The following STRBP variants were observed in gnomAD, a reference collection of about 807,000 sequenced individuals.
STRBP encodes the protein spermatid perinuclear RNA-binding protein.
A neutral mutation model predicts 80.1 loss-of-function variants in STRBP; 13 were observed. That is an observed-to-expected ratio of 0.16 (90% CI 0.11 to 0.26). STRBP has a LOEUF of 0.26. Ranked by LOEUF, STRBP falls within the 10% of genes least tolerant of loss-of-function variation. The pLI, the probability that STRBP is intolerant of heterozygous loss-of-function variation, is 1.00. For missense variants in STRBP, 485 were observed against 815.2 expected (o/e 0.59, Z 4.93); for synonymous variants, 284 against 291.2 (o/e 0.98, Z 0.25).
At chr9:123,113,987 G>A (rs1448121685) in intron 3 of STRBP, 1 of 167,132 alleles carries the variant, frequency 6.0e-6, no homozygotes, top group Non-Finnish European at 1.5e-5. Flanking sequence ...GAAAGGATTT[G>A]TGGACACAGG....
At position 123,162,590 on chromosome 9, in the gene STRBP, A is replaced by G. The variant is rs538711991; in HGVS notation, c.536-1522T>C. Among the ~76,000 whole-genome samples the G allele has an allele frequency of 7.9e-5, 12 of 152,326 alleles. No individual in the cohort carries two copies. The South Asian group carries it at 2.5e-3, about 32-fold the overall frequency. ...AATAGGAAACAAATCTATTAAAGGA[A>G]GAACTGTGGTTCTCTTTACTGGCCA... On this transcript the variant is annotated intron_variant, in intron 6 of 18. Coordinates refer to ENST00000348403, the MANE Select transcript of STRBP (RefSeq NM_018387.5).
intron 2 of STRBP, among the ~76,000 whole-genome samples, chr9:123,188,617 G>T (rs879365543): frequency 1.3e-5 from 2 of 152,140 alleles, no homozygotes; most frequent in Non-Finnish European, 2.9e-5. Flanking sequence ...ACTCCAGCCT[G>T]AGTGACAGAG....
rs867774889 is a variant in STRBP, at chr9:123,183,615, T to C, written c.3+517A>G. Reference sequence around the variant, plus strand: ...ACAAATTCAATTTAAGTCTGAACTCTTCCCAAAAAGCAAGGTTTCTTTGAT... The same window carrying C: ...ACAAATTCAATTTAAGTCTGAACTCCTCCCAAAAAGCAAGGTTTCTTTGAT... On this transcript the variant is annotated intron_variant, in intron 3 of 18. Transcript: ENST00000348403. Among the ~76,000 whole-genome samples, 22 of 152,210 alleles carry C rather than the reference T, an allele frequency of 1.4e-4. 1 individual carries two copies. The Middle Eastern group carries it at 0.01, about 71-fold the overall frequency.
At position 123,115,644 on chromosome 9, in the gene STRBP, C is replaced by T. The variant is rs1038725214; in HGVS notation, c.*84+285G>A. The T allele has an allele frequency of 3.9e-5, 13 of 335,712 alleles. No homozygotes were observed. Among genetic ancestry groups the T allele is most frequent in the African/African-American group, 2.2e-4 (10 of 46,474 alleles). The allele number at this position is 335,712 out of a possible 1,614,324, so 20.8% of individuals were successfully genotyped here. On this transcript the variant is annotated intron_variant and NMD_transcript_variant, in intron 3 of 3. Coordinates refer to the STRBP transcript ENST00000471564. The surrounding 1 kb of genome is among the most constrained non-coding windows in gnomAD (Gnocchi z 5.0). ...TGAATGGTTTTTCTCAATAAATCTA[C>T]GTGCCCAAGAAGGGAGACATGGTCT... is the stretch of plus-strand genomic sequence containing the variant.
At chr9:123,127,709 T>A (rs992673758) in intron 18 of STRBP, among the ~76,000 whole-genome samples, 3 of 152,220 alleles carry the variant, frequency 2.0e-5, no homozygotes, top group Admixed American at 6.5e-5. Flanking sequence ...CCACTATCAC[T>A]TCCTCTCTAG....
At chr9:123,199,563 T>A (rs1462266235) in intron 2 of STRBP, among the ~76,000 whole-genome samples, 1 of 152,234 alleles carries the variant, frequency 6.6e-6, no homozygotes, top group Non-Finnish European at 1.5e-5. Flanking sequence ...CTTTCAGCAG[T>A]GCTTTGTAGT....
chr9:123,256,957 G>A (rs1241109297), intron 1 of STRBP, among the ~76,000 whole-genome samples: 9 of 149,904 alleles, frequency 6.0e-5, no homozygotes, highest in Non-Finnish European at 1.5e-5. Context: ...AACATTATTC[G>A]AGAACCAGTC....
chr9:123,127,663 C>G (rs908965447), intron 18 of STRBP, among the ~76,000 whole-genome samples: 1 of 152,166 alleles, frequency 6.6e-6, no homozygotes, highest in Admixed American at 6.5e-5. Flanking sequence ...TACAGACTTC[C>G]TGCAGCGAGC....
chr9:123,200,286 A>G (rs897808889), intron 2 of STRBP, among the ~76,000 whole-genome samples: 1 of 152,202 alleles, frequency 6.6e-6, no homozygotes, highest in Admixed American at 6.5e-5. Flanking sequence ...ATGATCAATT[A>G]TCTTTTTGAT....
intron 1 of STRBP, among the ~76,000 whole-genome samples, chr9:123,263,036 C>T (rs1310632650): frequency 6.6e-6 from 1 of 152,180 alleles, no homozygotes; most frequent in Non-Finnish European, 1.5e-5. Flanking sequence ...TCACTAGCCT[C>T]TTAGAATTAC....
chr9:123,249,958 C>G (rs1272291615), intron 1 of STRBP, among the ~76,000 whole-genome samples: 1 of 152,132 alleles, frequency 6.6e-6, no homozygotes, highest in Non-Finnish European at 1.5e-5. Flanking sequence ...TTCAATGAAT[C>G]AATATTTTCC....
chr9:123,133,634 G>A (rs1186340618), intron 16 of STRBP, among the ~76,000 whole-genome samples: 1 of 151,952 alleles, frequency 6.6e-6, no homozygotes, highest in Non-Finnish European at 1.5e-5. Flanking sequence ...CACCTTCCCA[G>A]GTTCAAGTGA....
rs1379471598 is a variant in STRBP at position 123,259,075 on chromosome 9, A to AG, written c.-302+9360dup. Among the ~76,000 whole-genome samples the AG allele has an allele frequency of 3.1e-3, 446 of 141,886 alleles. 2 individuals carry two copies. The highest frequency in any genetic ancestry group is 4.6e-3 in the African/African-American group (182 of 39,370). The allele number at this position is 141,886 out of a possible 152,430, so 93.1% of individuals were successfully genotyped here. Reference sequence around the variant, plus strand: ...AGGAGGAAAGGGCAAAAAAAAAAAAAGGGGGGGGGATTACTGCAATAATTT... The same window carrying AG: ...AGGAGGAAAGGGCAAAAAAAAAAAAAGGGGGGGGGGATTACTGCAATAATTT... On this transcript the variant is annotated intron_variant, in intron 1 of 18. Coordinates refer to ENST00000348403, the MANE Select transcript of STRBP (RefSeq NM_018387.5).
intron 11 of STRBP, among the ~76,000 whole-genome samples, chr9:123,148,719 T>TA (rs1477934322): frequency 1.3e-5 from 2 of 152,206 alleles, no homozygotes; most frequent in Non-Finnish European, 2.9e-5. Flanking sequence ...ACCTCCTCTA[T>TA]AAAAATGTTC....
chr9:123,189,719 G>A (rs748401856), intron 2 of STRBP, among the ~76,000 whole-genome samples: 8 of 151,104 alleles, frequency 5.3e-5, no homozygotes, highest in South Asian at 4.2e-4. Context: ...GCTGGGGGAG[G>A]GATAGCATTA....
intron 6 of STRBP, among the ~76,000 whole-genome samples, chr9:123,167,953 A>G (rs1043362456): frequency 2.0e-5 from 3 of 152,186 alleles, no homozygotes; most frequent in Admixed American, 6.5e-5. Flanking sequence ...AAAATCTCAT[A>G]TAAGTACACA....
At chr9:123,222,671 T>TC (rs1287162637) in intron 2 of STRBP, among the ~76,000 whole-genome samples, 2 of 152,198 alleles carry the variant, frequency 1.3e-5, no homozygotes, top group Admixed American at 6.5e-5. Context: ...GGCATACTCT[T>TC]CCGAAGGTCA....
chr9:123,119,889 A>G (rs1357874552), downstream of STRBP, among the ~76,000 whole-genome samples: 4 of 152,350 alleles, frequency 2.6e-5, 1 homozygote, highest in Admixed American at 2.6e-4. Context: ...GCTGTGCTGT[A>G]AAGCTTACAT....
intron 2 of STRBP, among the ~76,000 whole-genome samples, chr9:123,221,259 C>T (rs1303046878): frequency 6.6e-6 from 1 of 152,084 alleles, no homozygotes; most frequent in Non-Finnish European, 1.5e-5. Flanking sequence ...TCTCTCTGTC[C>T]CTTTGCCATT....
Sources: gnomAD v4.1 joint callset for allele counts (sites outside exome capture counted in the v4.1 genomes callset) on GRCh38, gnomAD v4.1.1 for gene constraint, Gnocchi (gnomAD v3.1) non-coding constraint, MANE v1.5 for transcripts, NCBI Gene and HGNC (gene_info 2026-07-23, HGNC 2026-07-21) for gene names.